The following ESRRG variants were observed in gnomAD, a reference collection of about 807,000 sequenced individuals.
The protein encoded by ESRRG is estrogen related receptor gamma.
A neutral mutation model predicts 44.0 loss-of-function variants in ESRRG; 13 were observed. The observed-to-expected ratio is 0.30, with a 90% CI of 0.19 to 0.47. The LOEUF is 0.47. Ranked by LOEUF, ESRRG falls within the 20% of genes least tolerant of loss-of-function variation. ESRRG has a pLI of 1.00. For synonymous variants in ESRRG, 215 were observed against 214.6 expected (o/e 1.00, Z -0.02); for missense variants, 395 against 580.6 (o/e 0.68, Z 3.29).
rs111421549 is a variant in ESRRG at position 216,991,346 on chromosome 1, C to T, written c.-105-51673G>A. 2.9e-3 allele frequency among the ~76,000 whole-genome samples: 439 copies of T among 152,220 alleles called. 1 individual carries two copies. Among genetic ancestry groups the T allele is most frequent in the African/African-American group, 9.9e-3 (410 of 41,528 alleles). ...TCACAGGATTTTTCCTGTCCTCAGC[C>T]AACGTCTAGGTAATCCCAAGCGTTT... On this transcript the variant is annotated intron_variant, in intron 1 of 7. Coordinates refer to the ESRRG transcript ENST00000359162.
chr1:216,516,668 C>CACAGAGAGAGAG (rs376701865), intron 6 of ESRRG, among the ~76,000 whole-genome samples: 6 of 137,250 alleles, frequency 4.4e-5, no homozygotes, highest in African/African-American at 1.5e-4. Context: ...CACACACACA[C>CACAGAGAGAGAG]AGAGAGAGAG....
At chr1:216,569,001 C>T (rs2060189309) in intron 3 of ESRRG, among the ~76,000 whole-genome samples, 1 of 151,446 alleles carries the variant, frequency 6.6e-6, no homozygotes, top group African/African-American at 2.4e-5. Context: ...TTGCAGTGAA[C>T]TGAGACTATG....
At chr1:216,873,372 C>T (rs758530658) in intron 2 of ESRRG, among the ~76,000 whole-genome samples, 5 of 151,902 alleles carry the variant, frequency 3.3e-5, no homozygotes, top group Admixed American at 1.3e-4. Flanking sequence ...CCAGCACACC[C>T]GGCTAATTTT....
intron 1 of ESRRG, among the ~76,000 whole-genome samples, chr1:217,052,309 T>A (rs1283180407): frequency 6.6e-6 from 1 of 152,270 alleles, no homozygotes; most frequent in South Asian, 2.1e-4. Flanking sequence ...TCAAAACAGA[T>A]CAACTTTAAG....
intron 1 of ESRRG, among the ~76,000 whole-genome samples, chr1:217,134,916 G>A (rs947771349): frequency 3.3e-5 from 5 of 152,270 alleles, no homozygotes; most frequent in African/African-American, 1.2e-4. Context: ...CCTGGCCGCA[G>A]CCGCTGGAAA....
chr1:216,575,872 G>A (rs1482926055), intron 3 of ESRRG, among the ~76,000 whole-genome samples: 1 of 152,036 alleles, frequency 6.6e-6, no homozygotes, highest in Admixed American at 6.6e-5. Context: ...TGAACTAGCA[G>A]GAGGAAAAAA....
chr1:217,099,008 C>T (rs2092465617), intron 1 of ESRRG, among the ~76,000 whole-genome samples: 1 of 152,176 alleles, frequency 6.6e-6, no homozygotes, highest in Admixed American at 6.5e-5. Context: ...GCCCTTAACA[C>T]CTTCTAATAC....
intron 1 of ESRRG, among the ~76,000 whole-genome samples, chr1:217,083,265 T>C (rs1470614425): frequency 6.6e-6 from 1 of 152,212 alleles, no homozygotes; most frequent in Non-Finnish European, 1.5e-5. Context: ...AAAATTTTAA[T>C]GCAAACCAGA....
intron 1 of ESRRG, among the ~76,000 whole-genome samples, chr1:217,055,488 A>G (rs766139076): frequency 6.6e-6 from 1 of 152,124 alleles, no homozygotes; most frequent in Non-Finnish European, 1.5e-5. Flanking sequence ...TGCAAACAGT[A>G]TGCACTTTAT....
intron 3 of ESRRG, among the ~76,000 whole-genome samples, chr1:216,570,175 T>C (rs1380711822): frequency 6.6e-6 from 1 of 152,226 alleles, no homozygotes; most frequent in Non-Finnish European, 1.5e-5. Context: ...AATTGTCATA[T>C]TGAAGTATCA....
intron 1 of ESRRG, among the ~76,000 whole-genome samples, chr1:217,067,765 T>C (rs757445604): frequency 6.6e-6 from 1 of 152,192 alleles, no homozygotes; most frequent in Non-Finnish European, 1.5e-5. Flanking sequence ...CTGATATTAA[T>C]AGAGTTCATG....
intron 5 of ESRRG, among the ~76,000 whole-genome samples, chr1:216,520,096 C>T (rs1391123751): frequency 1.3e-5 from 2 of 151,966 alleles, no homozygotes; most frequent in Non-Finnish European, 2.9e-5. Flanking sequence ...AGAAAAGCCT[C>T]GTTCACTATT....
intron 1 of ESRRG, among the ~76,000 whole-genome samples, chr1:217,025,474 G>GA (rs796565314): frequency 6.6e-5 from 10 of 152,228 alleles, no homozygotes; most frequent in African/African-American, 2.4e-4. Flanking sequence ...AATCAATTGG[G>GA]AAAAAAGTAT....
At chr1:217,110,684 C>T (rs529914360) in intron 1 of ESRRG, among the ~76,000 whole-genome samples, 15 of 152,240 alleles carry the variant, frequency 9.9e-5, no homozygotes, top group African/African-American at 3.4e-4. Context: ...CCAGATCTCA[C>T]GAGAACTCAC....
chr1:216,835,900 G>T (rs1018216502), intron 2 of ESRRG, among the ~76,000 whole-genome samples: 1 of 152,022 alleles, frequency 6.6e-6, no homozygotes, highest in African/African-American at 2.4e-5. Flanking sequence ...TTGATTTATT[G>T]AAGCTTCTAC....
chr1:217,058,249 T>C (rs904090749), intron 1 of ESRRG, among the ~76,000 whole-genome samples: 1 of 152,136 alleles, frequency 6.6e-6, no homozygotes, highest in Non-Finnish European at 1.5e-5. Flanking sequence ...CGCTTTAGGC[T>C]AGAAGAAAAT....
chr1:216,899,531 T>A (rs2058822453), intron 2 of ESRRG, among the ~76,000 whole-genome samples: 1 of 152,140 alleles, frequency 6.6e-6, no homozygotes, highest in Admixed American at 6.5e-5. Flanking sequence ...GCTTAGGAGA[T>A]CATTTTGAAA....
At chr1:217,112,998 G>T (rs2092676851) in intron 1 of ESRRG, among the ~76,000 whole-genome samples, 1 of 152,180 alleles carries the variant, frequency 6.6e-6, no homozygotes, top group South Asian at 2.1e-4. Flanking sequence ...TTTATTAATA[G>T]AATAAGTGCC....
chr1:216,961,561 A>ATTTTTTTTTTTTTT, intron 1 of ESRRG, among the ~76,000 whole-genome samples: 1 of 131,970 alleles, frequency 7.6e-6, no homozygotes. Context: ...ATTTACTCTT[A>ATTTTTTTTTTTTTT]TTTTTTTTTT....
Sources: allele counts gnomAD v4.1 joint callset (sites outside exome capture counted in the v4.1 genomes callset), GRCh38; gene constraint gnomAD v4.1.1; transcripts MANE v1.5; gene names NCBI Gene and HGNC (gene_info 2026-07-23, HGNC 2026-07-21).